Variants in TTBK1 observed in about 807,000 individuals in gnomAD.
TTBK1 encodes the protein tau tubulin kinase 1.
A neutral mutation model predicts 108.5 loss-of-function variants in TTBK1; 34 were observed. That is an observed-to-expected ratio of 0.31 (90% CI 0.24 to 0.42). The LOEUF is 0.42. Among genes scored for constraint, TTBK1 ranks in the 10% least tolerant of loss-of-function variants. The pLI is 1.00. For missense variants in TTBK1, 1,539 were observed against 1,826.0 expected, an observed-to-expected ratio of 0.84 and a Z score of 2.86; for synonymous variants, 809 against 795.1, an observed-to-expected ratio of 1.02 and a Z score of -0.29.
chr6:43,256,557 G>T (rs1004915161), intron 9 of TTBK1, among the ~76,000 whole-genome samples: 9 of 152,072 alleles, frequency 5.9e-5, no homozygotes, highest in Non-Finnish European at 1.3e-4. Context: ...TGGCCAGCAT[G>T]GTGAAACCCT....
chr6:43,283,070 C>T lies in TTBK1; in HGVS notation c.2330C>T (p.Ala777Val), dbSNP rs373335408. 1.3e-6 allele frequency: 2 copies of T among 1,587,344 alleles called. No individual in the cohort carries two copies. Reference protein sequence around the residue: ...EEEEEAAAAVALGEVLGPRSG... With the variant: ...EEEEEAAAAVVLGEVLGPRSG... ...GAGGAGGAGGCTGCAGCGGCAGTTGCCTTGGGGGAGGTGCTGGGGCCTCGT... is the reference window on the plus strand; with the variant it reads ...GAGGAGGAGGCTGCAGCGGCAGTTGTCTTGGGGGAGGTGCTGGGGCCTCGT... Residue 777 changes from alanine to valine, a missense_variant, in exon 14 of 15, where the codon GCC becomes GTC. Around this residue, in one of 5 missense-constraint regions of TTBK1, gnomAD observed 1,055 missense variants for 1,086.5 expected, o/e 0.97. Coordinates refer to ENST00000259750, the MANE Select transcript of TTBK1 (RefSeq NM_032538.3). This position sits in a 1 kb window ranked among gnomAD's most constrained non-coding sequence, Gnocchi z 8.1.
chr6:43,269,693 G>A lies in TTBK1; in HGVS notation c.1986+6343G>A. On this transcript the variant is annotated intron_variant, in intron 13 of 14. Transcript: ENST00000259750. The surrounding 1 kb of genome is among the most constrained non-coding windows in gnomAD (Gnocchi z 4.8). Reference sequence around the variant, plus strand: ...ACTCCCTCCCGCGGTACAGCCCCCTGCGACGACTGGCGTCCTCCGTGTTCT... The same window carrying A: ...ACTCCCTCCCGCGGTACAGCCCCCTACGACGACTGGCGTCCTCCGTGTTCT... 6 of 1,610,998 alleles carry A rather than the reference G, an allele frequency of 3.7e-6. No homozygotes were observed. Among genetic ancestry groups the A allele is most frequent in the Non-Finnish European group, 5.1e-6 (6 of 1,179,616 alleles).
Position 43,269,716 on chromosome 6 carries a change from TCTC to T in TTBK1, c.1986+6374_1986+6376del, listed in dbSNP as rs778392912. The stretch of plus-strand genomic sequence containing the variant: ...CTGCGACGACTGGCGTCCTCCGTGT[TCTC>T]CTCCTCCACGCTGGAGACGGAGCAT... On this transcript the variant is annotated intron_variant, in intron 13 of 14. Coordinates refer to ENST00000259750, the MANE Select transcript of TTBK1 (RefSeq NM_032538.3). The surrounding 1 kb of genome is among the most constrained non-coding windows in gnomAD (Gnocchi z 4.8). 4.3e-6 allele frequency: 7 copies of T among 1,610,314 alleles called. No individual in the cohort carries two copies. Among genetic ancestry groups the T allele is most frequent in the South Asian group, 1.1e-5 (1 of 91,038 alleles).
chr6:43,258,027 C>A (rs745988586), intron 10 of TTBK1, 61 bp downstream of exon 10: 2 of 1,555,968 alleles, frequency 1.3e-6, no homozygotes, highest in Middle Eastern at 1.8e-4. Flanking sequence ...AGAGGGCAGG[C>A]GGTCCTCTCC....
chr6:43,245,860 C>A (rs1321918572), intron 1 of TTBK1, among the ~76,000 whole-genome samples: 1 of 152,174 alleles, frequency 6.6e-6, no homozygotes, highest in South Asian at 2.1e-4. Flanking sequence ...TTCCTGTCCT[C>A]CCCAGTTCAG....
At chr6:43,255,190 G>T in intron 7 of TTBK1, 76 bp downstream of exon 7, 1 of 1,134,534 alleles carries the variant, frequency 8.8e-7, no homozygotes. Context: ...TGCTGGGGAG[G>T]GGTGGGGAGA....
chr6:43,271,734 C>A, intron 13 of TTBK1: 6 of 984,706 alleles, frequency 6.1e-6, no homozygotes, highest in Non-Finnish European at 7.2e-6. Flanking sequence ...TCACACACTC[C>A]TTTCCCCAAA....
chr6:43,260,034 C>T (rs1777495971), intron 12 of TTBK1, among the ~76,000 whole-genome samples: 1 of 152,108 alleles, frequency 6.6e-6, no homozygotes, highest in African/African-American at 2.4e-5. Flanking sequence ...ATCTCTTCTC[C>T]TAGAGACTAA....
chr6:43,254,992 G>C (rs539518719), intron 6 of TTBK1, 57 bp from the exon 7 acceptor site: 1 of 1,527,880 alleles, frequency 6.5e-7, no homozygotes, highest in African/African-American at 1.4e-5. Context: ...GCAGGGTTGA[G>C]AGGTGGCTGA....
chr6:43,263,222 C>T lies in TTBK1; in HGVS notation c.1858C>T (p.Leu620=). ...HLPPQPLPPQ[L]SQGDGRSETS... is the part of the protein sequence containing the mutation. ...GCCGCCCCAGCCCCTGCCACCCCAGCTGAGCCAGGGCGATGGCCGTTCCGA... is the reference window on the plus strand; with the variant it reads ...GCCGCCCCAGCCCCTGCCACCCCAGTTGAGCCAGGGCGATGGCCGTTCCGA... The change falls in exon 13 of 15, where the codon CTG becomes TTG. Residue 620 remains leucine (L), a synonymous_variant. Transcript: ENST00000259750. This position sits in a 1 kb window ranked among gnomAD's most constrained non-coding sequence, Gnocchi z 4.7. 6.3e-7 allele frequency: 1 copy of T among 1,577,150 alleles called. No homozygotes were observed. The highest frequency in any genetic ancestry group is 1.2e-5 in the South Asian group (1 of 86,310).
Position 43,283,094 on chromosome 6 carries a change from G to A in TTBK1, c.2354G>A (p.Arg785His), listed in dbSNP as rs564104199. Residue 785 changes from arginine to histidine, a missense_variant, in exon 14 of 15, where the codon CGT becomes CAT. By Grantham distance (29) the Arg-to-His change is conservative. Coordinates refer to ENST00000259750, the MANE Select transcript of TTBK1 (RefSeq NM_032538.3). This position sits in a 1 kb window ranked among gnomAD's most constrained non-coding sequence, Gnocchi z 8.1. The part of the protein sequence containing the change: ...AVALGEVLGP[R>H]SGSSSEGSER... ...GCCTTGGGGGAGGTGCTGGGGCCTC[G>A]TAGTGGCTCCAGCAGTGAGGGGAGT... 2.2e-5 allele frequency: 35 copies of A among 1,583,774 alleles called. No individual in the cohort carries two copies. The highest frequency in any genetic ancestry group is 1.1e-4 in the East Asian group (5 of 43,562).
intron 13 of TTBK1, among the ~76,000 whole-genome samples, chr6:43,266,998 CGTGTGTGTGTGTGTGTGTGTGTGTGT>C (rs3997628): frequency 2.3e-5 from 3 of 128,106 alleles, no homozygotes; most frequent in Non-Finnish European, 3.3e-5. Context: ...CTGGAGCATG[CGTGTGTGTGTGTGTGTGTGTGTGTGT>C]GTGTGTGTGT....
In TTBK1 at chr6:43,259,630, C is replaced by A; in HGVS notation, c.1348C>A (p.Arg450Ser). Residue 450 changes from arginine (R) to serine (S), a missense_variant, in exon 12 of 15, where the codon CGC becomes AGC. Coordinates refer to ENST00000259750, the MANE Select transcript of TTBK1 (RefSeq NM_032538.3). This position sits in a 1 kb window ranked among gnomAD's most constrained non-coding sequence, Gnocchi z 6.7. ...DSPTTPVRSL[R>S]YRRVNSPESE... is the part of the protein sequence containing the mutation. ...CCCCACAACCCCAGTCCGTTCTCTGCGCTACCGGAGGGTGAACAGCCCTGA... is the reference window on the plus strand; with the variant it reads ...CCCCACAACCCCAGTCCGTTCTCTGAGCTACCGGAGGGTGAACAGCCCTGA... 6.2e-7 allele frequency: 1 copy of A among 1,610,604 alleles called. No individual in the cohort carries two copies.
At chr6:43,261,552 C>T (rs564388336) in intron 12 of TTBK1, among the ~76,000 whole-genome samples, 29 of 152,120 alleles carry the variant, frequency 1.9e-4, no homozygotes, top group Non-Finnish European at 3.4e-4. Flanking sequence ...CAGTGGCTCG[C>T]GTCTGTAATC....
chr6:43,248,716 C>A (rs1777163338), intron 2 of TTBK1, among the ~76,000 whole-genome samples: 1 of 152,122 alleles, frequency 6.6e-6, no homozygotes, highest in Non-Finnish European at 1.5e-5. Context: ...GAGCAAGACT[C>A]CTCCTCTAAA....
rs1165251187 is a variant in TTBK1, at chr6:43,285,138, G to A, written c.3728G>A (p.Arg1243His). 6.9e-7 allele frequency: 1 copy of A among 1,443,548 alleles called. No individual in the cohort carries two copies. Among genetic ancestry groups the A allele is most frequent in the Non-Finnish European group, 9.0e-7 (1 of 1,105,934 alleles). The allele number at this position is 1,443,548 out of a possible 1,614,324, so 89.4% of individuals were successfully genotyped here. Residue 1243 changes from arginine to histidine, a missense_variant, in exon 15 of 15, where the codon CGC becomes CAC. Physicochemically the swap from Arg to His is conservative, Grantham distance 29. Transcript: ENST00000259750. This position sits in a 1 kb window ranked among gnomAD's most constrained non-coding sequence, Gnocchi z 4.7. Reference sequence around the variant, plus strand: ...CTCCCCGCGTCCACATCCGCCGCGCGCAATGCCAGCGCGTCCCCCCGGAGC... The same window carrying A: ...CTCCCCGCGTCCACATCCGCCGCGCACAATGCCAGCGCGTCCCCCCGGAGC... ...PRLPASTSAA[R>H]NASASPRSQS...
chr6:43,281,809 C>T (rs955957278), intron 13 of TTBK1, among the ~76,000 whole-genome samples: 1 of 152,140 alleles, frequency 6.6e-6, no homozygotes, highest in Admixed American at 6.5e-5. Flanking sequence ...AGCCCTGATG[C>T]GCCCAGGGCA....
chr6:43,246,872 GA>G, intron 2 of TTBK1, 104 bp downstream of exon 2: 1 of 849,760 alleles, frequency 1.2e-6, no homozygotes, highest in Non-Finnish European at 1.8e-6. Context: ...CCCTAAGAGG[GA>G]GGTGCCTCTA....
rs2150697692 is a variant in TTBK1 at position 43,265,125 on chromosome 6, G to C, written c.1986+1775G>C. Among the ~76,000 whole-genome samples the C allele has an allele frequency of 1.3e-5, 2 of 152,314 alleles. No individual in the cohort carries two copies. The highest frequency in any genetic ancestry group is 3.4e-3 in the Middle Eastern group (1 of 294). ...GGTCCATGAACCCACAGAGGGGCTG[G>C]GGAGAGTCATGGAGGGGATGCCGGA... On this transcript the variant is annotated intron_variant, in intron 13 of 14. Coordinates refer to ENST00000259750, the MANE Select transcript of TTBK1 (RefSeq NM_032538.3). The surrounding 1 kb of genome is among the most constrained non-coding windows in gnomAD (Gnocchi z 4.1).
Sources: gnomAD v4.1 joint callset for allele counts (sites outside exome capture counted in the v4.1 genomes callset) on GRCh38, gnomAD v4.1.1 for gene constraint, gnomAD v4.1.1 regional missense constraint, Gnocchi (gnomAD v3.1) non-coding constraint, MANE v1.5 for transcripts, NCBI Gene and HGNC (gene_info 2026-07-23, HGNC 2026-07-21) for gene names.